HAPLN3: variants seen among roughly 807,000 people sequenced by gnomAD.
The protein encoded by HAPLN3 is extracellular link domain containing, 1.
HAPLN3 carries 28 observed loss-of-function variants against 28.1 expected under a neutral mutation model. The ratio of observed to expected loss-of-function variants is 1.00; its 90% CI spans 0.74 to 1.37. HAPLN3 has a LOEUF of 1.37. Ranked by LOEUF, HAPLN3 falls within the 40% of genes most tolerant of loss-of-function variation. The pLI is 0.00. For missense variants in HAPLN3, 513 were observed against 504.6 expected, an observed-to-expected ratio of 1.02 and a Z score of -0.16; for synonymous variants, 211 against 213.1, an observed-to-expected ratio of 0.99 and a Z score of 0.09.
In HAPLN3 at chr15:88,878,021, G is replaced by A. The variant is rs1897578505; in HGVS notation, c.1032C>T (p.Phe344=). Residue 344 remains phenylalanine (F), a synonymous_variant, in exon 5 of 5, where the codon TTC becomes TTT. Transcript: ENST00000359595. ...PPEPGVRSFG[F]PDPQSRLYGV... Reference sequence around the variant, plus strand: ...CGTACAAGCGGCTCTGCGGGTCGGGGAAGCCAAAGCTTCGGACCCCAGGCT... The same window carrying A: ...CGTACAAGCGGCTCTGCGGGTCGGGAAAGCCAAAGCTTCGGACCCCAGGCT... The A allele has an allele frequency of 1.1e-5, 18 of 1,613,836 alleles. No individual in the cohort carries two copies. The highest frequency in any genetic ancestry group is 1.4e-5 in the Non-Finnish European group (17 of 1,179,978).
chr15:88,893,626 T>A (rs1898073258), intron 1 of HAPLN3, among the ~76,000 whole-genome samples: 1 of 151,940 alleles, frequency 6.6e-6, no homozygotes, highest in African/African-American at 2.4e-5. Flanking sequence ...AGTTTCTTCA[T>A]CTTTAAAATG....
chr15:88,880,758 TG>T lies in HAPLN3; in HGVS notation c.493+598del. On this transcript the variant is annotated intron_variant, in intron 3 of 4. Coordinates refer to ENST00000359595, the MANE Select transcript of HAPLN3 (RefSeq NM_178232.4). This position sits in a 1 kb window ranked among gnomAD's most constrained non-coding sequence, Gnocchi z 6.0. ...TTTTTGTTTGTTTTTTGTTTTGTTT[TG>T]TTTTTAAAAAGGAGGTTTTTACATA... The T allele has an allele frequency of 3.0e-6, 1 of 334,242 alleles. No individual in the cohort carries two copies. Among genetic ancestry groups the T allele is most frequent in the Non-Finnish European group, 5.5e-6 (1 of 181,762 alleles). 20.7% of individuals were successfully genotyped at this position (334,242 alleles called of 1,614,324 possible). A position where few individuals can be genotyped will look rare whatever the true frequency, so the allele number is the denominator to read the frequency against.
chr15:88,889,004 C>A (rs577705538), intron 1 of HAPLN3, among the ~76,000 whole-genome samples: 1 of 152,310 alleles, frequency 6.6e-6, no homozygotes, highest in South Asian at 2.1e-4. Context: ...CTTCTGGCTT[C>A]CAGTGGGATT....
rs1253802102 is a variant in HAPLN3 at position 88,877,927 on chromosome 15, T to G, written c.*43A>C. On this transcript the variant is annotated 3_prime_UTR_variant, in exon 5 of 5. Transcript: ENST00000359595. The surrounding 1 kb of genome is among the most constrained non-coding windows in gnomAD (Gnocchi z 5.1). ...AAGGGAAAACGAACCACTCAATAAATACACAGCCAGTGAGGGAATGCGGCA... is the reference window on the plus strand; with the variant it reads ...AAGGGAAAACGAACCACTCAATAAAGACACAGCCAGTGAGGGAATGCGGCA... The G allele has an allele frequency of 6.5e-7, 1 of 1,534,728 alleles. No homozygotes were observed. The highest frequency in any genetic ancestry group is 8.8e-7 in the Non-Finnish European group (1 of 1,139,736).
At chr15:88,892,977 G>A in intron 1 of HAPLN3, 1 of 1,535,810 alleles carries the variant, frequency 6.5e-7, no homozygotes, top group Non-Finnish European at 8.7e-7. Context: ...CAGTCACCTT[G>A]GCAGTGGATA....
Position 88,880,012 on chromosome 15 carries a change from G to A in HAPLN3, c.494-743C>T, listed in dbSNP as rs761018788. On this transcript the variant is annotated intron_variant, in intron 3 of 4. Transcript: ENST00000359595. The surrounding 1 kb of genome is among the most constrained non-coding windows in gnomAD (Gnocchi z 6.0). ...GGAAGGACACTTTGGAATCTCCTCC[G>A]TGTGGCCAAGGACCCAGGAACAGCC... The A allele has an allele frequency of 2.3e-4, 231 of 994,458 alleles. 1 individual carries two copies. Among genetic ancestry groups the A allele is most frequent in the Non-Finnish European group, 2.7e-4 (223 of 835,558 alleles). The allele number at this position is 994,458 out of a possible 1,614,324, so 61.6% of individuals were successfully genotyped here.
At position 88,877,728 on chromosome 15, in the gene HAPLN3, A is replaced by C; in HGVS notation, c.*242T>G. 1 of 505,762 alleles carries C rather than the reference A, an allele frequency of 2.0e-6. No homozygotes were observed. Among genetic ancestry groups the C allele is most frequent in the Non-Finnish European group, 3.5e-6 (1 of 287,782 alleles). The allele number at this position is 505,762 out of a possible 1,614,324, so 31.3% of individuals were successfully genotyped here. On this transcript the variant is annotated 3_prime_UTR_variant, in exon 5 of 5. Coordinates refer to ENST00000359595, the MANE Select transcript of HAPLN3 (RefSeq NM_178232.4). This position sits in a 1 kb window ranked among gnomAD's most constrained non-coding sequence, Gnocchi z 5.1. Reference sequence around the variant, plus strand: ...CAGCCTGGATGGCGGGGAACCCTCCAGAAGCCCACAAAACCGCAAATGGCC... The same window carrying C: ...CAGCCTGGATGGCGGGGAACCCTCCCGAAGCCCACAAAACCGCAAATGGCC...
intron 1 of HAPLN3, among the ~76,000 whole-genome samples, chr15:88,887,974 AAAAAG>A (rs1384059488): frequency 2.0e-5 from 3 of 152,186 alleles, no homozygotes; most frequent in Non-Finnish European, 2.9e-5. Context: ...AAAAAAAAGA[AAAAAG>A]AAAGAAAAGA....
intron 1 of HAPLN3, among the ~76,000 whole-genome samples, chr15:88,891,812 G>T (rs2141675576): frequency 6.6e-6 from 1 of 152,274 alleles, no homozygotes; most frequent in Admixed American, 6.5e-5. Context: ...CAGCCCAGTG[G>T]CCCAGAGCAA....
chr15:88,883,399 G>C (rs182844132), intron 2 of HAPLN3, among the ~76,000 whole-genome samples: 1 of 152,352 alleles, frequency 6.6e-6, no homozygotes, highest in African/African-American at 2.4e-5. Flanking sequence ...ATCCAGGGAA[G>C]TCAAGACTCA....
At position 88,893,954 on chromosome 15, in the gene HAPLN3, G is replaced by T. The variant is rs60033482; in HGVS notation, c.-48+1505C>A. Among the ~76,000 whole-genome samples, 18 of 149,774 alleles carry T rather than the reference G, an allele frequency of 1.2e-4. 1 individual carries two copies. The highest frequency in any genetic ancestry group is 2.0e-4 in the African/African-American group (8 of 40,196). ...AAAAAAAAAAAAAAAGTTGGGGTGG[G>T]GGGGGCGGTCACGACAATACCAAAC... On this transcript the variant is annotated intron_variant, in intron 1 of 4. Coordinates refer to ENST00000359595, the MANE Select transcript of HAPLN3 (RefSeq NM_178232.4).
chr15:88,881,786 G>A lies in HAPLN3; in HGVS notation c.125-61C>T, dbSNP rs983947074. The A allele has an allele frequency of 5.1e-5, 78 of 1,533,920 alleles. No homozygotes were observed. The highest frequency in any genetic ancestry group is 4.1e-4 in the Middle Eastern group (2 of 4,868). On this transcript the variant is annotated intron_variant, in intron 2 of 4. Transcript: ENST00000359595. The surrounding 1 kb of genome is among the most constrained non-coding windows in gnomAD (Gnocchi z 6.0). ...GAAGCACATCTGTACCCCTGCAAGGGCCACCGCACACCCTCATCCACGGCT... is the reference window on the plus strand; with the variant it reads ...GAAGCACATCTGTACCCCTGCAAGGACCACCGCACACCCTCATCCACGGCT...
chr15:88,884,247 T>G lies in HAPLN3; in HGVS notation c.125-2522A>C, dbSNP rs946105090. Among the ~76,000 whole-genome samples the G allele has an allele frequency of 2.0e-5, 3 of 152,166 alleles. No homozygotes were observed. The East Asian group carries it at 5.8e-4, about 30-fold the overall frequency. ...ACTATGAGTAGGAAGTTTAAGTTTT[T>G]TAAATTCCGCAAATCTCATTAAAGT... On this transcript the variant is annotated intron_variant, in intron 2 of 4. Coordinates refer to ENST00000359595, the MANE Select transcript of HAPLN3 (RefSeq NM_178232.4).
chr15:88,878,390 C>T, intron 4 of HAPLN3, 134 bp from the exon 5 acceptor site: 1 of 790,738 alleles, frequency 1.3e-6, no homozygotes, highest in Non-Finnish European at 2.0e-6. Context: ...CTGCAGAGAA[C>T]ACTTTCTAAT....
chr15:88,892,988 G>T, intron 1 of HAPLN3: 8 of 1,535,638 alleles, frequency 5.2e-6, no homozygotes, highest in Non-Finnish European at 7.0e-6. Context: ...GCAGTGGATA[G>T]TTCCCCAAAT....
chr15:88,885,627 T>C (rs1897832313), intron 2 of HAPLN3, among the ~76,000 whole-genome samples: 1 of 152,126 alleles, frequency 6.6e-6, no homozygotes, highest in African/African-American at 2.4e-5. Flanking sequence ...CCGGCTACTT[T>C]TGTATTTTTA....
At chr15:88,882,381 C>A (rs1256865371) in intron 2 of HAPLN3, among the ~76,000 whole-genome samples, 1 of 152,188 alleles carries the variant, frequency 6.6e-6, no homozygotes, top group Non-Finnish European at 1.5e-5. Flanking sequence ...GGTACATGGC[C>A]AGGACAAGTG....
intron 1 of HAPLN3, among the ~76,000 whole-genome samples, chr15:88,889,015 G>C (rs1282648725): frequency 1.3e-5 from 2 of 152,210 alleles, no homozygotes; most frequent in African/African-American, 4.8e-5. Flanking sequence ...CAGTGGGATT[G>C]AGCCAATGGG....
Position 88,892,412 on chromosome 15 carries a change from ACACCT to A in HAPLN3, c.-48+3042_-48+3046del, listed in dbSNP as rs1567207705. ...GCAGAGGTTGCAGTGAGCCGAGATC[ACACCT>A]TTGCACTCCAGCCTGGGCGACAGAG... is the stretch of plus-strand genomic sequence containing the variant. On this transcript the variant is annotated intron_variant, in intron 1 of 4. Transcript: ENST00000359595. 3.4e-4 allele frequency among the ~76,000 whole-genome samples: 51 copies of A among 151,648 alleles called. 4 individuals carry two copies. In the South Asian group the frequency reaches 0.011, roughly 31 times the overall value.
Sources: gnomAD v4.1 joint callset for allele counts (sites outside exome capture counted in the v4.1 genomes callset) on GRCh38, gnomAD v4.1.1 for gene constraint, Gnocchi (gnomAD v3.1) non-coding constraint, MANE v1.5 for transcripts, NCBI Gene and HGNC (gene_info 2026-07-23, HGNC 2026-07-21) for gene names.